Variants in CNBD2 observed in about 807,000 individuals in gnomAD.
CNBD2 encodes cyclic nucleotide binding domain containing 2.
In CNBD2, 64 loss-of-function variants were observed where a neutral mutation model predicts 63.7. The observed-to-expected ratio is 1.00, with a 90% CI of 0.82 to 1.24. The LOEUF is 1.24. Ranked by LOEUF, CNBD2 falls within the 50% of genes most tolerant of loss-of-function variation. The pLI, the probability that CNBD2 is intolerant of heterozygous loss-of-function variation, is 0.00. For missense variants in CNBD2, 691 were observed against 713.5 expected (o/e 0.97, Z 0.36); for synonymous variants, 229 against 255.4 (o/e 0.90, Z 0.99).
chr20:36,011,771 T>G (rs1195128279), intron 10 of CNBD2, among the ~76,000 whole-genome samples: 1 of 152,188 alleles, frequency 6.6e-6, no homozygotes, highest in Admixed American at 6.5e-5. Context: ...AAGAAAAACC[T>G]CCTGAAACTA....
chr20:35,984,330 A>T (rs1269634764), intron 5 of CNBD2, among the ~76,000 whole-genome samples, 192 bp downstream of exon 5: 1 of 152,170 alleles, frequency 6.6e-6, no homozygotes, highest in African/African-American at 2.4e-5. Context: ...GATGTTTAAG[A>T]AGTATGTTCC....
intron 6 of CNBD2, 80 bp from the exon 7 acceptor site, chr20:35,987,315 G>A: frequency 1.3e-6 from 2 of 1,509,594 alleles, no homozygotes; most frequent in Non-Finnish European, 1.8e-6. Flanking sequence ...CAGGAGAAGA[G>A]TATGTGCCCT....
rs550217777 is a variant in CNBD2, at chr20:35,983,119, T to G, written c.408-863T>G. Among the ~76,000 whole-genome samples the G allele has an allele frequency of 2.0e-5, 3 of 147,900 alleles. No individual in the cohort carries two copies. The East Asian group carries it at 6.1e-4, about 30-fold the overall frequency. ...ATCCCAGCACTTTGCAAGGCCAAGG[T>G]GGGAGGATCCTTGAGCCCAGGAGTT... On this transcript the variant is annotated intron_variant, in intron 4 of 11. Transcript: ENST00000373973.
At chr20:35,975,734 T>A (rs1026196049) in intron 2 of CNBD2, among the ~76,000 whole-genome samples, 1 of 152,144 alleles carries the variant, frequency 6.6e-6, no homozygotes, top group Admixed American at 6.5e-5. Flanking sequence ...CATATTTCTC[T>A]GCCTTCACAA....
At chr20:35,967,782 G>A (rs934441492), upstream of CNBD2, among the ~76,000 whole-genome samples, 6 of 152,144 alleles carry the variant, frequency 3.9e-5, no homozygotes, top group African/African-American at 1.4e-4. Flanking sequence ...GAATTTGGGA[G>A]GCAGAGGTTG....
At chr20:36,016,738 A>G (rs1338081211) in intron 10 of CNBD2, among the ~76,000 whole-genome samples, 1 of 150,638 alleles carries the variant, frequency 6.6e-6, no homozygotes, top group Non-Finnish European at 1.5e-5. Context: ...GCAGTGAGCC[A>G]GGATTGCACC....
intron 11 of CNBD2, 102 bp from the exon 12 acceptor site, chr20:36,030,255 C>G: frequency 8.8e-7 from 1 of 1,136,346 alleles, no homozygotes; most frequent in South Asian, 1.4e-5. Context: ...GTCAGAGAAG[C>G]AGAATGAAGC....
intron 2 of CNBD2, among the ~76,000 whole-genome samples, chr20:35,960,690 C>G (rs1027788540): frequency 6.6e-5 from 10 of 150,572 alleles, no homozygotes; most frequent in African/African-American, 2.2e-4. Context: ...CTGCCATACT[C>G]CTCTTCTCTT....
chr20:36,016,919 C>A (rs2057141174), intron 10 of CNBD2, among the ~76,000 whole-genome samples: 1 of 139,286 alleles, frequency 7.2e-6, no homozygotes, highest in Non-Finnish European at 1.5e-5. Context: ...GTTAGCTGGG[C>A]ATGGTGACAT....
chr20:36,011,150 C>T lies in CNBD2; in HGVS notation c.1162C>T (p.Gln388Ter). 9 of 1,580,402 alleles carry T rather than the reference C, an allele frequency of 5.7e-6. No homozygotes were observed. The highest frequency in any genetic ancestry group is 6.9e-6 in the Non-Finnish European group (8 of 1,162,386). ...LGPKIQSRPA[Q>*]SIKCAMINIK... ...GTCACATTTCAGATCCAGGCCTGCT[C>T]AGTCGATCAAATGTGCCATGATCAA... Residue 388 changes from glutamine to a stop codon, truncating the protein, a stop_gained, in exon 10 of 12, where the codon CAG (glutamine) becomes TAG (stop). Transcript: ENST00000373973. LOFTEE classifies it high-confidence loss of function.
intron 4 of CNBD2, among the ~76,000 whole-genome samples, chr20:35,980,874 T>C (rs2056589946): frequency 6.6e-6 from 1 of 152,206 alleles, no homozygotes; most frequent in Non-Finnish European, 1.5e-5. Context: ...GAGGATCTGG[T>C]CCAATTCCCT....
intron 10 of CNBD2, among the ~76,000 whole-genome samples, chr20:36,022,171 T>C (rs1173145884): frequency 2.8e-5 from 4 of 144,946 alleles, no homozygotes; most frequent in Non-Finnish European, 6.0e-5. Context: ...ACCATCACCA[T>C]GCCCGGCTAA....
intron 3 of CNBD2, among the ~76,000 whole-genome samples, chr20:35,979,286 C>T (rs1210528490): frequency 2.0e-5 from 3 of 152,180 alleles, no homozygotes; most frequent in East Asian, 1.9e-4. Context: ...TGTGTAACAT[C>T]CCCAGCCTGC....
At chr20:36,013,683 A>T (rs1013116755) in intron 10 of CNBD2, among the ~76,000 whole-genome samples, 23 of 152,178 alleles carry the variant, frequency 1.5e-4, no homozygotes. Flanking sequence ...ACTACTATAC[A>T]TGTACACAGT....
chr20:35,966,710 C>T (rs537698072), upstream of CNBD2, among the ~76,000 whole-genome samples: 1 of 152,158 alleles, frequency 6.6e-6, no homozygotes, highest in African/African-American at 2.4e-5. Flanking sequence ...ACCCACGTTC[C>T]AGGGCCTCCA....
upstream of CNBD2, chr20:35,954,534 G>A: frequency 6.6e-7 from 1 of 1,514,820 alleles, no homozygotes; most frequent in Non-Finnish European, 8.9e-7. Flanking sequence ...CCCGGAAGCC[G>A]CTTGCGGGCT....
At chr20:35,954,622 G>A (rs1355179841), upstream of CNBD2, 6 of 1,339,342 alleles carry the variant, frequency 4.5e-6, no homozygotes, top group Admixed American at 5.4e-5. Context: ...GGCGAGCTGC[G>A]CGTGGCCTGG....
upstream of CNBD2, among the ~76,000 whole-genome samples, chr20:35,967,469 C>T (rs963421987): frequency 6.7e-6 from 1 of 149,772 alleles, no homozygotes; most frequent in African/African-American, 2.5e-5. Flanking sequence ...CCAGGCTGGA[C>T]CAGACCTTGC....
At chr20:36,010,458 A>AAAAAG (rs1307541075) in intron 9 of CNBD2, among the ~76,000 whole-genome samples, 2 of 151,752 alleles carry the variant, frequency 1.3e-5, no homozygotes, top group Non-Finnish European at 2.9e-5. Context: ...AAAAAAAAAA[A>AAAAAG]AAAAGAAAAG....
Sources: allele counts gnomAD v4.1 joint callset (sites outside exome capture counted in the v4.1 genomes callset), GRCh38; gene constraint gnomAD v4.1.1; transcripts MANE v1.5; gene names NCBI Gene and HGNC (gene_info 2026-07-23, HGNC 2026-07-21).